Variants in TRMT10B observed in about 807,000 individuals in gnomAD.
TRMT10B encodes tRNA methyltransferase 10B.
A neutral mutation model predicts 43.8 loss-of-function variants in TRMT10B; 33 were observed. The ratio of observed to expected loss-of-function variants is 0.75; its 90% CI spans 0.57 to 1.01. The LOEUF is 1.01. Among genes scored for constraint, TRMT10B ranks in the 50% least tolerant of loss-of-function variants. TRMT10B has a pLI of 0.00. For synonymous variants in TRMT10B, 137 were observed against 130.6 expected (o/e 1.05, Z -0.34); for missense variants, 362 against 369.8 (o/e 0.98, Z 0.17).
chr9:37,773,987 T>C (rs559545380), intron 7 of TRMT10B, among the ~76,000 whole-genome samples: 1 of 147,004 alleles, frequency 6.8e-6, no homozygotes, highest in East Asian at 2.0e-4. Flanking sequence ...ACAATAATAA[T>C]AATTAAAAGT....
At chr9:37,765,194 CCATT>C (rs1826852044) in intron 4 of TRMT10B, among the ~76,000 whole-genome samples, 1 of 152,078 alleles carries the variant, frequency 6.6e-6, no homozygotes, top group African/African-American at 2.4e-5. Flanking sequence ...GGTGCTGCAC[CCATT>C]AACTCGTCAT....
rs1450986362 is a variant in TRMT10B, at chr9:37,778,311, TC to T, written c.*606del. 2 of 152,400 alleles carry T rather than the reference TC, an allele frequency of 1.3e-5. No homozygotes were observed. The highest frequency in any genetic ancestry group is 2.9e-5 in the Non-Finnish European group (2 of 68,272). The allele number at this position is 152,400 out of a possible 1,614,324, so 9.4% of individuals were successfully genotyped here. On this transcript the variant is annotated 3_prime_UTR_variant, in exon 9 of 9. Transcript: ENST00000297994. The stretch of plus-strand genomic sequence containing the variant: ...GTGAGTGGATTACAAGGTCAGGAGT[TC>T]CAGACCAGCCTGGCTAATATGGTGA...
At chr9:37,757,176 T>A (rs975217303) in intron 1 of TRMT10B, among the ~76,000 whole-genome samples, 7 of 152,124 alleles carry the variant, frequency 4.6e-5, no homozygotes, top group African/African-American at 1.7e-4. Flanking sequence ...CTTGATCTCC[T>A]GGGTTCAAGC....
intron 1 of TRMT10B, among the ~76,000 whole-genome samples, chr9:37,761,052 CTG>C (rs1422260155): frequency 4.6e-5 from 7 of 152,278 alleles, no homozygotes; most frequent in African/African-American, 1.7e-4. Flanking sequence ...TGGTATTCAA[CTG>C]AGTTGGAGGA....
intron 7 of TRMT10B, among the ~76,000 whole-genome samples, chr9:37,773,170 C>A (rs564895383): frequency 6.6e-6 from 1 of 152,106 alleles, no homozygotes; most frequent in South Asian, 2.1e-4. Flanking sequence ...TGAGGTGGTG[C>A]GATCATAGCT....
At chr9:37,775,225 T>G (rs1331721678) in intron 7 of TRMT10B, among the ~76,000 whole-genome samples, 1 of 152,184 alleles carries the variant, frequency 6.6e-6, no homozygotes, top group Non-Finnish European at 1.5e-5. Context: ...GGAGAAGTCA[T>G]AGAGAACAGA....
chr9:37,768,594 GTTTTAGGGAGTACTAAGGTACT>G (rs929928874), intron 5 of TRMT10B, among the ~76,000 whole-genome samples: 8 of 152,292 alleles, frequency 5.3e-5, no homozygotes, highest in African/African-American at 1.9e-4. Context: ...TTTAAGATAA[GTTTTAGGGAGTACTAAGGTACT>G]TTTCACCTCT....
chr9:37,775,301 T>TAA (rs983458460), intron 7 of TRMT10B, among the ~76,000 whole-genome samples: 6 of 152,164 alleles, frequency 3.9e-5, no homozygotes, highest in Non-Finnish European at 7.3e-5. Flanking sequence ...CTTGGCATGT[T>TAA]AATTATCCCA....
intron 4 of TRMT10B, among the ~76,000 whole-genome samples, chr9:37,766,072 C>G (rs1233098454): frequency 6.6e-6 from 1 of 152,064 alleles, no homozygotes; most frequent in Non-Finnish European, 1.5e-5. Context: ...TGCAGAAGCT[C>G]TTTAGTTGAA....
intron 8 of TRMT10B, 21 bp downstream of exon 8, chr9:37,776,426 A>C (rs1239063645): frequency 1.2e-5 from 19 of 1,596,810 alleles, no homozygotes; most frequent in Non-Finnish European, 1.4e-5. Flanking sequence ...CACGGCCCCC[A>C]TCCAGGGTGT....
intron 1 of TRMT10B, among the ~76,000 whole-genome samples, chr9:37,759,092 C>T (rs958695402): frequency 2.6e-5 from 4 of 152,160 alleles, no homozygotes. Context: ...AAATGGATGG[C>T]AGTTTATGAG....
chr9:37,771,715 C>T (rs1827602544), intron 7 of TRMT10B, among the ~76,000 whole-genome samples: 1 of 152,128 alleles, frequency 6.6e-6, no homozygotes, highest in South Asian at 2.1e-4. Context: ...CGGCTATTTA[C>T]ATGGTCTCAA....
At chr9:37,762,144 G>C in intron 2 of TRMT10B, 27 bp downstream of exon 2, 1 of 1,590,858 alleles carries the variant, frequency 6.3e-7, no homozygotes, top group South Asian at 1.1e-5. Context: ...CCTGGCCATA[G>C]GCCTTGAATG....
chr9:37,756,727 T>C (rs1044641319), intron 1 of TRMT10B, among the ~76,000 whole-genome samples: 1 of 145,794 alleles, frequency 6.9e-6, no homozygotes, highest in Non-Finnish European at 1.5e-5. Flanking sequence ...CTCAAAAAGA[T>C]ATATATATAT....
chr9:37,757,425 T>C (rs1049913433), intron 1 of TRMT10B, among the ~76,000 whole-genome samples: 1 of 152,228 alleles, frequency 6.6e-6, no homozygotes, highest in Admixed American at 6.5e-5. Flanking sequence ...TGAAATTTTA[T>C]GCATGCCACT....
chr9:37,761,141 A>T (rs943129615), intron 1 of TRMT10B, among the ~76,000 whole-genome samples: 4 of 152,188 alleles, frequency 2.6e-5, no homozygotes, highest in African/African-American at 9.7e-5. Flanking sequence ...TACTATATAC[A>T]TTGGTACATT....
chr9:37,774,358 T>TA (rs1316292520), intron 7 of TRMT10B, among the ~76,000 whole-genome samples: 1 of 152,210 alleles, frequency 6.6e-6, no homozygotes, highest in Non-Finnish European at 1.5e-5. Context: ...GTGCATGACT[T>TA]ACAGATGTGC....
intron 1 of TRMT10B, among the ~76,000 whole-genome samples, chr9:37,759,236 T>G (rs973430275): frequency 2.6e-5 from 4 of 152,176 alleles, no homozygotes; most frequent in African/African-American, 9.7e-5. Flanking sequence ...GGAAAAGATC[T>G]CAAATGCCCA....
chr9:37,763,955 G>A (rs1344800977), intron 4 of TRMT10B: 2 of 1,038,832 alleles, frequency 1.9e-6, no homozygotes, highest in East Asian at 6.3e-5. Context: ...GTTTGGTTTA[G>A]TTTGCAAATT....
Sources: gnomAD v4.1 joint callset for allele counts (sites outside exome capture counted in the v4.1 genomes callset) on GRCh38, gnomAD v4.1.1 for gene constraint, MANE v1.5 for transcripts, NCBI Gene and HGNC (gene_info 2026-07-23, HGNC 2026-07-21) for gene names.